The following MSI1 variants were observed in gnomAD, a reference collection of about 807,000 sequenced individuals.
MSI1 encodes the protein RNA-binding protein Musashi homolog 1.
MSI1 carries 15 observed loss-of-function variants against 54.4 expected under a neutral mutation model. The observed-to-expected ratio is 0.28, with a 90% CI of 0.18 to 0.42. The LOEUF (loss-of-function observed/expected upper bound fraction) is 0.42, where lower values mean the gene tolerates loss of function less well. MSI1 is among the 20% of genes least tolerant of loss of function. The pLI is 1.00. For missense variants in MSI1, 304 were observed against 506.0 expected, an observed-to-expected ratio of 0.60 and a Z score of 3.83; for synonymous variants, 200 against 196.5, an observed-to-expected ratio of 1.02 and a Z score of -0.15.
Position 120,343,081 on chromosome 12 carries a change from CCTCAGTCAGCTG to C in MSI1, c.*34_*45del, listed in dbSNP as rs1293759710. On this transcript the variant is annotated 3_prime_UTR_variant, in exon 15 of 15. Coordinates refer to ENST00000257552, the MANE Select transcript of MSI1 (RefSeq NM_002442.4). ...GCCCCCTCGCTGGCTCACTCGTGGT[CCTCAGTCAGCTG>C]CAGGCTGGGGCGCTGGGAACACAGC... 1 of 152,290 alleles carries C rather than the reference CCTCAGTCAGCTG, an allele frequency of 6.6e-6. No individual in the cohort carries two copies. Among genetic ancestry groups the C allele is most frequent in the African/African-American group, 2.4e-5 (1 of 41,384 alleles). 9.4% of individuals were successfully genotyped at this position (152,290 alleles called of 1,614,324 possible). A position where few individuals can be genotyped will look rare whatever the true frequency, so the allele number is the denominator to read the frequency against.
chr12:120,346,154 C>A lies in MSI1; in HGVS notation c.1028G>T (p.Gly343Val). 6.3e-7 allele frequency: 1 copy of A among 1,587,622 alleles called. No homozygotes were observed. Among genetic ancestry groups the A allele is most frequent in the Non-Finnish European group, 8.6e-7 (1 of 1,168,656 alleles). The change falls in exon 13 of 15, where the codon GGC becomes GTC. Residue 343 changes from glycine to valine, a missense_variant. Gly to Val is a moderately radical substitution (Grantham distance 109, BLOSUM62 -3). Coordinates refer to ENST00000257552, the MANE Select transcript of MSI1 (RefSeq NM_002442.4). The stretch of plus-strand genomic sequence containing the variant: ...ACTCACCCCAAGACTGTGGCCGAAG[C>A]CGGTGCTGGGGGCAGGGCTGGCGGC... ...ISAASPAPST[G>V]FGHSLGGPLI...
At position 120,368,112 on chromosome 12, in the gene MSI1, A is replaced by T; in HGVS notation, c.183-20T>A. 6.2e-7 allele frequency: 1 copy of T among 1,612,180 alleles called. No individual in the cohort carries two copies. Among genetic ancestry groups the T allele is most frequent in the Non-Finnish European group, 8.5e-7 (1 of 1,179,210 alleles). On this transcript the variant is annotated intron_variant, in intron 3 of 14. Transcript: ENST00000257552. This position sits in a 1 kb window ranked among gnomAD's most constrained non-coding sequence, Gnocchi z 6.6. The stretch of plus-strand genomic sequence containing the variant: ...AAACCCCTGCGCGCCGTAGTGAGGG[A>T]GAGGCAGATGGTTACAAGGCAGTGA...
At chr12:120,354,508 C>T (rs939591165) in intron 9 of MSI1, among the ~76,000 whole-genome samples, 5 of 151,990 alleles carry the variant, frequency 3.3e-5, no homozygotes, top group Admixed American at 1.3e-4. Flanking sequence ...CTCGGCTCAC[C>T]GCCACCTCCG....
chr12:120,341,123 T>C (rs150540928), downstream of MSI1, among the ~76,000 whole-genome samples: 8,971 of 151,904 alleles, frequency 0.059, 395 homozygotes, highest in Admixed American at 0.15. Context: ...TGACCTCAAT[T>C]GATCTGCCCA....
rs926218525 is a variant in MSI1 at position 120,357,918 on chromosome 12, T to C, written c.452-20A>G. ...CGAACCCTAGAGGTTGGACAAAGGA[T>C]AAAGGCAAGGTCAGAACCAGAGCGC... On this transcript the variant is annotated intron_variant, in intron 7 of 14. Coordinates refer to ENST00000257552, the MANE Select transcript of MSI1 (RefSeq NM_002442.4). 6.2e-7 allele frequency: 1 copy of C among 1,612,834 alleles called. No individual in the cohort carries two copies. The highest frequency in any genetic ancestry group is 8.5e-7 in the Non-Finnish European group (1 of 1,178,894).
intron 8 of MSI1, 37 bp from the exon 9 acceptor site, chr12:120,357,056 G>C (rs183878451): frequency 6.4e-7 from 1 of 1,564,962 alleles, no homozygotes; most frequent in Non-Finnish European, 8.8e-7. Context: ...TTCCCACAGA[G>C]CTAGAGTCAT....
chr12:120,361,679 C>T (rs1472890525), intron 6 of MSI1, among the ~76,000 whole-genome samples: 1 of 151,032 alleles, frequency 6.6e-6, no homozygotes, highest in East Asian at 2.0e-4. Context: ...GCAGCCATGG[C>T]GGCTGACCAT....
At chr12:120,353,592 C>G (rs1258125239) in intron 9 of MSI1, among the ~76,000 whole-genome samples, 1 of 152,322 alleles carries the variant, frequency 6.6e-6, no homozygotes, top group East Asian at 1.9e-4. Flanking sequence ...CTGTTAGGCA[C>G]CCCATTTTAC....
chr12:120,353,189 C>G (rs1874786454), intron 10 of MSI1, 110 bp downstream of exon 10: 4 of 1,059,338 alleles, frequency 3.8e-6, no homozygotes. Context: ...CCTTCCAAGC[C>G]TCCAGCAAGC....
chr12:120,358,923 G>A lies in MSI1; in HGVS notation c.451+82C>T, dbSNP rs781197112. On this transcript the variant is annotated intron_variant, in intron 7 of 14. Transcript: ENST00000257552. ...CCTGGGGGATAGGATGTCAGAAGGC[G>A]AGATGAAAGGGCAGCTGTGACCTGC... 20 of 1,460,554 alleles carry A rather than the reference G, an allele frequency of 1.4e-5. 1 individual carries two copies. The African/African-American group carries it at 2.4e-4, about 17-fold the overall frequency. The allele number at this position is 1,460,554 out of a possible 1,614,324, so 90.5% of individuals were successfully genotyped here. A position where few individuals can be genotyped will look rare whatever the true frequency, so the allele number is the denominator to read the frequency against.
In MSI1 at chr12:120,353,350, C is replaced by A. The variant is rs143961492; in HGVS notation, c.682G>T (p.Ala228Ser). The change falls in exon 10 of 15, where the codon GCC becomes TCC. Residue 228 changes from alanine (A) to serine (S), a missense_variant. Physicochemically the swap from Ala to Ser is moderately conservative, Grantham distance 99 (BLOSUM62 1). This residue lies in a region of MSI1 where 147 missense variants were observed against 231.5 expected (regional missense o/e 0.64). Coordinates refer to ENST00000257552, the MANE Select transcript of MSI1 (RefSeq NM_002442.4). ...GYPGFQATTY[A>S]SRSYTGLAPG... ...GCGAGGCCTGTATAACTCCGGCTGG[C>A]GTAGGTTGTGGCTTGGAAACCTGGG... 6.2e-7 allele frequency: 1 copy of A among 1,613,830 alleles called. No individual in the cohort carries two copies. Among genetic ancestry groups the A allele is most frequent in the East Asian group, 2.2e-5 (1 of 44,874 alleles).
chr12:120,364,660 CT>C, intron 5 of MSI1, 53 bp downstream of exon 5: 1 of 1,489,116 alleles, frequency 6.7e-7, no homozygotes, highest in Middle Eastern at 1.8e-4. Flanking sequence ...GGGAAAATCA[CT>C]GCCCAGCATT....
At chr12:120,351,617 C>G (rs1312259063) in intron 10 of MSI1, among the ~76,000 whole-genome samples, 1 of 151,916 alleles carries the variant, frequency 6.6e-6, no homozygotes, top group Non-Finnish European at 1.5e-5. Flanking sequence ...GAGTTGCCAC[C>G]TATACCCTGG....
At chr12:120,355,974 A>G (rs995758072) in intron 9 of MSI1, among the ~76,000 whole-genome samples, 4 of 151,772 alleles carry the variant, frequency 2.6e-5, no homozygotes, top group African/African-American at 9.7e-5. Context: ...TCATCTCCCC[A>G]GGGAGCCTAT....
intron 11 of MSI1, among the ~76,000 whole-genome samples, chr12:120,349,333 A>G (rs1384099623): frequency 6.6e-6 from 1 of 152,116 alleles, no homozygotes; most frequent in Non-Finnish European, 1.5e-5. Context: ...TCTTGACCTC[A>G]GGTGATCTGC....
rs1181487976 is a variant in MSI1, at chr12:120,342,547, T to C, written c.*580A>G. On this transcript the variant is annotated 3_prime_UTR_variant, in exon 15 of 15. Transcript: ENST00000257552. Reference sequence around the variant, plus strand: ...AGGCGGCCAGGGGCCCACACCCAGATAGACACTTTGTTCTCAGCTGGTGGG... The same window carrying C: ...AGGCGGCCAGGGGCCCACACCCAGACAGACACTTTGTTCTCAGCTGGTGGG... 1.3e-5 allele frequency: 2 copies of C among 150,264 alleles called. No individual in the cohort carries two copies. Among genetic ancestry groups the C allele is most frequent in the Non-Finnish European group, 3.0e-5 (2 of 67,750 alleles). 9.3% of individuals were successfully genotyped at this position (150,264 alleles called of 1,614,324 possible).
chr12:120,347,596 C>A, intron 11 of MSI1, 82 bp from the exon 12 acceptor site: 1 of 1,549,412 alleles, frequency 6.5e-7, no homozygotes, highest in Non-Finnish European at 8.9e-7. Context: ...TTAGGCAGAG[C>A]CTGTCCAGCC....
Position 120,346,289 on chromosome 12 carries a change from C to A in MSI1, c.893G>T (p.Gly298Val). The A allele has an allele frequency of 6.3e-7, 1 of 1,579,580 alleles. No homozygotes were observed. The highest frequency in any genetic ancestry group is 2.3e-5 in the East Asian group (1 of 43,932). ...GCCCCCTGTGCGGCTGGGAGTCGAACCTGGAGGGGGAGCCATCGTCCAGGG... is the reference window on the plus strand; with the variant it reads ...GCCCCCTGTGCGGCTGGGAGTCGAAACTGGAGGGGGAGCCATCGTCCAGGG... ...SHPWTMAPPP[G>V]STPSRTGGFL... Residue 298 changes from glycine to valine, a missense_variant, in exon 13 of 15, where the codon GGT becomes GTT. Coordinates refer to ENST00000257552, the MANE Select transcript of MSI1 (RefSeq NM_002442.4).
rs1270520592 is a variant in MSI1 at position 120,357,863 on chromosome 12, C to T, written c.487G>A (p.Val163Met). 1.9e-6 allele frequency: 3 copies of T among 1,614,160 alleles called. No homozygotes were observed. The highest frequency in any genetic ancestry group is 1.3e-5 in the African/African-American group (1 of 75,038). The change falls in exon 8 of 15, where the codon GTG becomes ATG. Residue 163 changes from valine (V) to methionine (M), a missense_variant. By Grantham distance (21) the Val-to-Met change is conservative. This residue lies in a region of MSI1 where 105 missense variants were observed against 230.1 expected (regional missense o/e 0.46). Coordinates refer to ENST00000257552, the MANE Select transcript of MSI1 (RefSeq NM_002442.4). ...GFVTFESEDI[V>M]EKVCEIHFHE... ...AAATGAATTTCACACACTTTCTCCA[C>T]GATGTCCTCACTCTCAAACGTGACA... is the stretch of plus-strand genomic sequence containing the variant.
Sources: allele counts gnomAD v4.1 joint callset (sites outside exome capture counted in the v4.1 genomes callset), GRCh38; gene constraint gnomAD v4.1.1; regional missense constraint gnomAD v4.1.1; non-coding constraint Gnocchi (gnomAD v3.1); transcripts MANE v1.5; gene names NCBI Gene and HGNC (gene_info 2026-07-23, HGNC 2026-07-21).